The following HEXD variants were observed in gnomAD, a reference collection of about 807,000 sequenced individuals.
HEXD encodes N-acetyl-beta-galactosaminidase.
A neutral mutation model predicts 54.2 loss-of-function variants in HEXD; 47 were observed. The observed-to-expected ratio is 0.87, with a 90% CI of 0.69 to 1.11. HEXD has a LOEUF of 1.11. HEXD is among the 50% of genes least tolerant of loss of function. The probability of loss-of-function intolerance (pLI) is 0.00; values close to 1 mark genes in which losing one functional copy is unlikely to be tolerated. For missense variants in HEXD, 576 were observed against 649.2 expected, an observed-to-expected ratio of 0.89 and a Z score of 1.23; for synonymous variants, 293 against 287.6, an observed-to-expected ratio of 1.02 and a Z score of -0.19.
Position 82,419,856 on chromosome 17 carries a change from T to G in HEXD, c.57T>G (p.Ala19=). The change falls in exon 2 of 13, where the codon GCT becomes GCG. Residue 19 remains alanine (A), a synonymous_variant. Coordinates refer to ENST00000327949, the MANE Select transcript of HEXD (RefSeq NM_001330542.2). The stretch of plus-strand genomic sequence containing the variant: ...TAGTTCATTTAGACCTTAAAGGAGC[T>G]CCACCAAAGGTCTCGTACCTCTCAG... ...MRLVHLDLKG[A]PPKVSYLSEI... is the part of the protein sequence containing the mutation. 1 of 1,611,450 alleles carries G rather than the reference T, an allele frequency of 6.2e-7. No individual in the cohort carries two copies. The highest frequency in any genetic ancestry group is 1.7e-5 in the Admixed American group (1 of 59,982).
chr17:82,442,238 T>C lies in HEXD; in HGVS notation c.1315T>C (p.Tyr439His). The change falls in exon 13 of 13, where the codon TAC (tyrosine) becomes CAC (histidine). Residue 439 changes from tyrosine to histidine, a missense_variant. Tyr to His is a moderately conservative substitution (Grantham distance 83). Coordinates refer to ENST00000327949, the MANE Select transcript of HEXD (RefSeq NM_001330542.2). This position sits in a 1 kb window ranked among gnomAD's most constrained non-coding sequence, Gnocchi z 6.8. ...GGAGGCTGCCCTGCAGCTGGCTTTCTACCCGGATGCCGTGGAGGAGTGGCT... is the reference window on the plus strand; with the variant it reads ...GGAGGCTGCCCTGCAGCTGGCTTTCCACCCGGATGCCGTGGAGGAGTGGCT... ...ELEAALQLAF[Y>H]PDAVEEWLEE... The C allele has an allele frequency of 6.2e-7, 1 of 1,605,936 alleles. No individual in the cohort carries two copies. The highest frequency in any genetic ancestry group is 8.5e-7 in the Non-Finnish European group (1 of 1,179,830).
Position 82,442,525 on chromosome 17 carries a change from C to T in HEXD, c.*141C>T. 6.3e-7 allele frequency: 1 copy of T among 1,591,462 alleles called. No homozygotes were observed. Among genetic ancestry groups the T allele is most frequent in the South Asian group, 1.1e-5 (1 of 90,668 alleles). On this transcript the variant is annotated 3_prime_UTR_variant, in exon 13 of 13. Coordinates refer to ENST00000327949, the MANE Select transcript of HEXD (RefSeq NM_001330542.2). This position sits in a 1 kb window ranked among gnomAD's most constrained non-coding sequence, Gnocchi z 6.8. ...TGCCCACACTCAGTTCCTGAGGGCC[C>T]TGGGCAGCCCCTGGGGGAGAGACTA...
rs1445899672 is a variant in HEXD, at chr17:82,431,545, G to C, written c.283-2113G>C. Among the ~76,000 whole-genome samples the C allele has an allele frequency of 3.3e-5, 5 of 151,758 alleles. No individual in the cohort carries two copies. The East Asian group carries it at 9.7e-4, about 30-fold the overall frequency. On this transcript the variant is annotated intron_variant, in intron 4 of 12. Coordinates refer to ENST00000327949, the MANE Select transcript of HEXD (RefSeq NM_001330542.2). ...CCAAGTAGCTTCAGCCTCCCGAGTAGCTGGGATTACAGCGCCCGCCACCAC... is the reference window on the plus strand; with the variant it reads ...CCAAGTAGCTTCAGCCTCCCGAGTACCTGGGATTACAGCGCCCGCCACCAC...
At chr17:82,440,396 A>G in intron 9 of HEXD, 1 of 1,019,966 alleles carries the variant, frequency 9.8e-7, no homozygotes, top group South Asian at 1.6e-5. Flanking sequence ...ACTGCTTAGA[A>G]AGGGGCAGAA....
intron 9 of HEXD, chr17:82,440,316 A>G (rs1463391587): frequency 2.4e-6 from 3 of 1,256,422 alleles, no homozygotes; most frequent in Non-Finnish European, 3.1e-6. Context: ...GCGGCGGCCC[A>G]GGGACGGGGA....
chr17:82,440,537 G>A (rs759305056), intron 9 of HEXD: 3 of 326,464 alleles, frequency 9.2e-6, no homozygotes, highest in East Asian at 1.0e-4. Context: ...CCCTCTGGCC[G>A]TCAGCCTCTT....
chr17:82,433,128 A>ATTTTTTTTTTT (rs758489285), intron 4 of HEXD, among the ~76,000 whole-genome samples: 1 of 13,072 alleles, frequency 7.6e-5, no homozygotes, highest in Non-Finnish European at 1.2e-4. Context: ...ATATATATAT[A>ATTTTTTTTTTT]TTTTTTTTTT....
chr17:82,432,445 G>C (rs1443738949), intron 4 of HEXD, among the ~76,000 whole-genome samples: 1 of 152,180 alleles, frequency 6.6e-6, no homozygotes. Context: ...CTCAAGTTAA[G>C]TCTGCCCCTT....
chr17:82,437,965 G>A (rs767975518), intron 8 of HEXD, among the ~76,000 whole-genome samples: 6 of 152,190 alleles, frequency 3.9e-5, no homozygotes, highest in East Asian at 1.9e-4. Context: ...GGCTGAGTGC[G>A]GTGGCTCATG....
intron 9 of HEXD, chr17:82,440,103 A>G (rs908161706): frequency 7.7e-7 from 1 of 1,297,874 alleles, no homozygotes; most frequent in African/African-American, 1.5e-5. Context: ...TGGACCCAGC[A>G]CTCACACTTC....
At chr17:82,422,374 G>A (rs775984031) in intron 2 of HEXD, among the ~76,000 whole-genome samples, 23 of 150,920 alleles carry the variant, frequency 1.5e-4, no homozygotes, top group Non-Finnish European at 3.2e-4. Context: ...GCTCACAACT[G>A]TAATCCCACC....
chr17:82,424,391 C>A lies in HEXD; in HGVS notation c.85-3C>A. 1.2e-6 allele frequency: 2 copies of A among 1,610,298 alleles called. No homozygotes were observed. The highest frequency in any genetic ancestry group is 1.7e-6 in the Non-Finnish European group (2 of 1,176,562). ...TCCTAACCCCTCCCTGTTTACCCCC[C>A]AGATTTTTCCTCTGTTCCGTGCGCT... is the stretch of plus-strand genomic sequence containing the variant. On this transcript the variant is annotated splice_region_variant and splice_polypyrimidine_tract_variant and intron_variant, in intron 2 of 12. Coordinates refer to ENST00000327949, the MANE Select transcript of HEXD (RefSeq NM_001330542.2).
intron 6 of HEXD, among the ~76,000 whole-genome samples, 197 bp downstream of exon 6, chr17:82,436,069 G>A (rs1408973678): frequency 3.3e-5 from 5 of 152,254 alleles, no homozygotes; most frequent in Non-Finnish European, 5.9e-5. Context: ...TTGGGCAGGA[G>A]AGCACAGGCC....
chr17:82,419,794 A>G lies in HEXD; in HGVS notation c.-6A>G, dbSNP rs1032034433. On this transcript the variant is annotated 5_prime_UTR_variant, in exon 2 of 13. The change creates a new upstream start codon in the 5' untranslated region. Coordinates refer to ENST00000327949, the MANE Select transcript of HEXD (RefSeq NM_001330542.2). ...TTCGCCATAGGAGTTCACAGGAAATATTGAAATGTCAGGTTCCACTCCATT... is the reference window on the plus strand; with the variant it reads ...TTCGCCATAGGAGTTCACAGGAAATGTTGAAATGTCAGGTTCCACTCCATT... The G allele has an allele frequency of 6.3e-7, 1 of 1,593,562 alleles. No homozygotes were observed. Among genetic ancestry groups the G allele is most frequent in the African/African-American group, 1.3e-5 (1 of 74,148 alleles).
In HEXD at chr17:82,442,342, G is replaced by A. The variant is rs1157862688; in HGVS notation, c.1419G>A (p.Leu473=). Residue 473 remains leucine, a synonymous_variant, in exon 13 of 13, where the codon CTG becomes CTA. Transcript: ENST00000327949. The surrounding 1 kb of genome is among the most constrained non-coding windows in gnomAD (Gnocchi z 6.8). ...QDLSEVSAPP[L]PPTSPGRDVA... is the part of the protein sequence containing the mutation. ...TCAGCGAGGTGTCTGCCCCCCCGCT[G>A]CCACCCACCAGCCCTGGCAGGGACG... 1.2e-6 allele frequency: 2 copies of A among 1,610,928 alleles called. No homozygotes were observed. Among genetic ancestry groups the A allele is most frequent in the East Asian group, 4.5e-5 (2 of 44,878 alleles).
chr17:82,440,430 AC>A, intron 9 of HEXD: 1 of 715,392 alleles, frequency 1.4e-6, no homozygotes, highest in Non-Finnish European at 2.0e-6. Context: ...ACACCCCTGT[AC>A]CCCACACTAA....
chr17:82,439,731 AC>A lies in HEXD; in HGVS notation c.982+22del. ...TCTACGCGGTATGTCTGGTCTGGCC[AC>A]CCCAAGCCCCACCGGCCCCTCCCCG... On this transcript the variant is annotated intron_variant, in intron 9 of 12. Coordinates refer to ENST00000327949, the MANE Select transcript of HEXD (RefSeq NM_001330542.2). 6.3e-7 allele frequency: 1 copy of A among 1,598,924 alleles called. No individual in the cohort carries two copies. Among genetic ancestry groups the A allele is most frequent in the Non-Finnish European group, 8.5e-7 (1 of 1,179,636 alleles).
Position 82,435,676 on chromosome 17 carries a change from T to G in HEXD, c.448-13T>G. 6.2e-7 allele frequency: 1 copy of G among 1,604,796 alleles called. No homozygotes were observed. Among genetic ancestry groups the G allele is most frequent in the African/African-American group, 1.3e-5 (1 of 74,882 alleles). Reference sequence around the variant, plus strand: ...GGCTGCCAAGGCAACCCCGTCCTGCTCCTTCCTTGCAGGTCTATTACCTCG... The same window carrying G: ...GGCTGCCAAGGCAACCCCGTCCTGCGCCTTCCTTGCAGGTCTATTACCTCG... On this transcript the variant is annotated splice_polypyrimidine_tract_variant and intron_variant, in intron 5 of 12. Transcript: ENST00000327949.
intron 9 of HEXD, 47 bp downstream of exon 9, chr17:82,439,760 AGAC>A (rs757463606): frequency 3.8e-6 from 6 of 1,598,252 alleles, no homozygotes; most frequent in Non-Finnish European, 5.1e-6. Flanking sequence ...CCTCCCCGAA[AGAC>A]CCGGAGGGCA....
Sources: gnomAD v4.1 joint callset for allele counts (sites outside exome capture counted in the v4.1 genomes callset) on GRCh38, gnomAD v4.1.1 for gene constraint, Gnocchi (gnomAD v3.1) non-coding constraint, MANE v1.5 for transcripts, NCBI Gene and HGNC (gene_info 2026-07-23, HGNC 2026-07-21) for gene names.